GMPR: variants seen among roughly 807,000 people sequenced by gnomAD.
GMPR encodes the protein GMP reductase 1.
Under a neutral mutation model 38.4 loss-of-function variants are expected in GMPR, and 31 were observed. The ratio of observed to expected loss-of-function variants is 0.81; its 90% CI spans 0.61 to 1.09. The LOEUF (loss-of-function observed/expected upper bound fraction) is 1.09, where lower values mean the gene tolerates loss of function less well. Ranked by LOEUF, GMPR falls within the 50% of genes least tolerant of loss-of-function variation. The pLI is 0.00. For missense variants in GMPR, 468 were observed against 453.7 expected (o/e 1.03, Z -0.29); for synonymous variants, 162 against 173.3 (o/e 0.93, Z 0.51).
chr6:16,274,527 G>C lies in GMPR; in HGVS notation c.547+31G>C, dbSNP rs754575430. On this transcript the variant is annotated intron_variant, in intron 5 of 8. Coordinates refer to ENST00000259727, the MANE Select transcript of GMPR (RefSeq NM_006877.4). ...ACTTGTTAGGAGCACAGCAGAGGAC[G>C]TGTGTGGGGAAGAATGGGATCTGGG... 2.4e-6 allele frequency: 3 copies of C among 1,274,116 alleles called. No homozygotes were observed. In the South Asian group the frequency reaches 3.6e-5, roughly 15 times the overall value. The allele number at this position is 1,274,116 out of a possible 1,614,324, so 78.9% of individuals were successfully genotyped here.
intron 4 of GMPR, among the ~76,000 whole-genome samples, chr6:16,261,351 G>A (rs1057383150): frequency 3.3e-5 from 5 of 151,968 alleles, no homozygotes; most frequent in Non-Finnish European, 5.9e-5. Flanking sequence ...GGGGCTGTCT[G>A]TGAAGCTTTG....
At chr6:16,266,073 T>G (rs1014507330) in intron 4 of GMPR, among the ~76,000 whole-genome samples, 1 of 151,204 alleles carries the variant, frequency 6.6e-6, no homozygotes, top group Non-Finnish European at 1.5e-5. Context: ...AATGAACAAC[T>G]CCCGACGGGC....
intron 4 of GMPR, among the ~76,000 whole-genome samples, chr6:16,258,408 G>C (rs1275736429): frequency 6.6e-6 from 1 of 152,242 alleles, no homozygotes; most frequent in Non-Finnish European, 1.5e-5. Context: ...AGGAAGGAGG[G>C]AAGTGCAGGA....
At chr6:16,273,384 G>A (rs72833486) in intron 4 of GMPR, among the ~76,000 whole-genome samples, 601 of 152,336 alleles carry the variant, frequency 3.9e-3, no homozygotes, top group Middle Eastern at 6.8e-3. Flanking sequence ...TATACTGGCT[G>A]AAGAATCCAC....
chr6:16,248,626 G>A (rs1254023326), intron 2 of GMPR, among the ~76,000 whole-genome samples: 1 of 152,094 alleles, frequency 6.6e-6, no homozygotes, highest in African/African-American at 2.4e-5. Flanking sequence ...GTGGTCTGTC[G>A]GATTCCGTGA....
At chr6:16,266,109 CATCTTTAA>C (rs1759206469) in intron 4 of GMPR, among the ~76,000 whole-genome samples, 4 of 25,270 alleles carry the variant, frequency 1.6e-4, no homozygotes, top group East Asian at 7.0e-4. Context: ...TAACACTTGC[CATCTTTAA>C]GAGCTGTAAC....
intron 4 of GMPR, among the ~76,000 whole-genome samples, chr6:16,270,994 C>T (rs1272919444): frequency 6.6e-6 from 1 of 151,550 alleles, no homozygotes; most frequent in Non-Finnish European, 1.5e-5. Context: ...AGAGACCAGC[C>T]TGGGCAACAT....
At chr6:16,255,364 T>C (rs1211339307) in intron 4 of GMPR, among the ~76,000 whole-genome samples, 1 of 152,162 alleles carries the variant, frequency 6.6e-6, no homozygotes, top group Non-Finnish European at 1.5e-5. Flanking sequence ...AGAGAGTGTA[T>C]TTTAAGATTG....
intron 4 of GMPR, among the ~76,000 whole-genome samples, chr6:16,267,165 C>T (rs373722666): frequency 6.6e-6 from 1 of 152,184 alleles, no homozygotes; most frequent in Middle Eastern, 3.4e-3. Context: ...AGATCATGAC[C>T]ATCCTGGCTA....
intron 4 of GMPR, among the ~76,000 whole-genome samples, 167 bp from the exon 5 acceptor site, chr6:16,274,248 C>A (rs1325121426): frequency 1.3e-5 from 2 of 152,182 alleles, no homozygotes; most frequent in Admixed American, 6.5e-5. Context: ...ACCCAAGGGG[C>A]CTTTCCCAAA....
At chr6:16,264,592 G>C (rs1326594324) in intron 4 of GMPR, 3 of 152,212 alleles carry the variant, frequency 2.0e-5, no homozygotes, top group Admixed American at 2.0e-4. Context: ...TCAGCGAAGG[G>C]AGATAGGGGT....
At chr6:16,266,127 C>T (rs1161548541) in intron 4 of GMPR, among the ~76,000 whole-genome samples, 1 of 50,306 alleles carries the variant, frequency 2.0e-5, no homozygotes, top group Non-Finnish European at 3.1e-5. Context: ...AGAGCTGTAA[C>T]ACTTGCCATC....
At chr6:16,259,698 T>C (rs1233310745) in intron 4 of GMPR, among the ~76,000 whole-genome samples, 1 of 151,996 alleles carries the variant, frequency 6.6e-6, no homozygotes, top group African/African-American at 2.4e-5. Flanking sequence ...TTTGTATGAA[T>C]TGAAAAACTA....
intron 4 of GMPR, among the ~76,000 whole-genome samples, chr6:16,266,488 C>G (rs571346362): frequency 7.0e-6 from 1 of 143,476 alleles, no homozygotes; most frequent in African/African-American, 2.6e-5. Context: ...AAAGGTGGCA[C>G]GTCCGACGTG....
At chr6:16,250,036 C>G (rs1266413667) in intron 2 of GMPR, among the ~76,000 whole-genome samples, 2 of 152,218 alleles carry the variant, frequency 1.3e-5, no homozygotes, top group Non-Finnish European at 2.9e-5. Flanking sequence ...TCTCCTGCCT[C>G]CTGGCAGAGC....
intron 7 of GMPR, among the ~76,000 whole-genome samples, chr6:16,287,412 C>T (rs1466003509): frequency 1.3e-5 from 2 of 152,288 alleles, no homozygotes; most frequent in East Asian, 3.9e-4. Flanking sequence ...ATCACAGTTC[C>T]TGGCCTTTGG....
chr6:16,274,436 G>A lies in GMPR; in HGVS notation c.487G>A (p.Glu163Lys). ...TIMAGNVVTG[E>K]MVEELILSGA... ...TCAGGCAGGGAACGTGGTGACAGGA[G>A]AAATGGTAGAAGAGCTTATTCTTTC... Residue 163 changes from glutamate to lysine, a missense_variant, in exon 5 of 9, where the codon GAA (glutamate) becomes AAA (lysine). By Grantham distance (56) the Glu-to-Lys change is moderately conservative. Transcript: ENST00000259727. 6.2e-7 allele frequency: 1 copy of A among 1,607,398 alleles called. No homozygotes were observed. The highest frequency in any genetic ancestry group is 1.7e-5 in the Admixed American group (1 of 60,026).
At position 16,295,127 on chromosome 6, in the gene GMPR, C is replaced by A; in HGVS notation, c.979C>A (p.Leu327Ile). ...CGTGGGGGCCGCCAAACTCAAGGAGCTCAGCAGGAGGGCAACATTCATCCG... is the reference window on the plus strand; with the variant it reads ...CGTGGGGGCCGCCAAACTCAAGGAGATCAGCAGGAGGGCAACATTCATCCG... ...TYVGAAKLKE[L>I]SRRATFIRVT... Residue 327 changes from leucine (L) to isoleucine (I), a missense_variant, in exon 9 of 9, where the codon CTC (leucine) becomes ATC (isoleucine). By Grantham distance (5) the Leu-to-Ile change is conservative. Coordinates refer to ENST00000259727, the MANE Select transcript of GMPR (RefSeq NM_006877.4). 2 of 1,575,308 alleles carry A rather than the reference C, an allele frequency of 1.3e-6. No individual in the cohort carries two copies. The highest frequency in any genetic ancestry group is 1.7e-6 in the Non-Finnish European group (2 of 1,166,530).
At chr6:16,268,314 CCT>C (rs900316780) in intron 4 of GMPR, among the ~76,000 whole-genome samples, 4 of 152,120 alleles carry the variant, frequency 2.6e-5, no homozygotes, top group African/African-American at 7.2e-5. Context: ...GGTTGATACT[CCT>C]CTTTTTTGTT....
Sources: allele counts gnomAD v4.1 joint callset (sites outside exome capture counted in the v4.1 genomes callset), GRCh38; gene constraint gnomAD v4.1.1; transcripts MANE v1.5; gene names NCBI Gene and HGNC (gene_info 2026-07-23, HGNC 2026-07-21).